PSKH2: variants seen among roughly 807,000 people sequenced by gnomAD.
PSKH2 encodes the protein protein serine kinase H2.
Under a neutral mutation model 22.5 loss-of-function variants are expected in PSKH2, and 16 were observed. That is an observed-to-expected ratio of 0.71 (90% CI 0.48 to 1.08). The LOEUF (loss-of-function observed/expected upper bound fraction) is 1.08, where lower values mean the gene tolerates loss of function less well. Among genes scored for constraint, PSKH2 ranks in the 50% least tolerant of loss-of-function variants. The pLI is 0.00. For missense variants in PSKH2, 516 were observed against 492.8 expected, an observed-to-expected ratio of 1.05 and a Z score of -0.44; for synonymous variants, 188 against 184.8, an observed-to-expected ratio of 1.02 and a Z score of -0.14.
intron 2 of PSKH2, among the ~76,000 whole-genome samples, chr8:86,058,446 T>A (rs1281274444): frequency 6.6e-6 from 1 of 152,230 alleles, no homozygotes; most frequent in Non-Finnish European, 1.5e-5. Context: ...AACAGTTATA[T>A]CTGAGATACA....
intron 1 of PSKH2, among the ~76,000 whole-genome samples, chr8:86,065,283 C>T (rs1817840630): frequency 6.6e-6 from 1 of 152,120 alleles, no homozygotes; most frequent in Non-Finnish European, 1.5e-5. Context: ...GTGAGCTCAG[C>T]CCCAGGCTCA....
rs2130168507 is a variant in PSKH2 at position 86,064,466 on chromosome 8, A to G, written c.351T>C (p.His117=). 6.2e-7 allele frequency: 1 copy of G among 1,613,970 alleles called. No homozygotes were observed. Among genetic ancestry groups the G allele is most frequent in the East Asian group, 2.2e-5 (1 of 44,852 alleles). The part of the protein sequence containing the change: ...SELSVLRRVS[H]RYIVQLMEIF... ...TCTCCATGAGCTGGACAATGTAACG[A>G]TGGCTAACCCGCCGCAGGACGCTCA... Residue 117 remains histidine (H), a synonymous_variant, in exon 2 of 3, where the codon CAT becomes CAC. Transcript: ENST00000276616.
rs146927882 is a variant in PSKH2, at chr8:86,068,991, T to C, written c.185+447A>G. 4.2e-4 allele frequency among the ~76,000 whole-genome samples: 64 copies of C among 152,254 alleles called. No individual in the cohort carries two copies. The East Asian group carries it at 0.012, about 29-fold the overall frequency. On this transcript the variant is annotated intron_variant, in intron 1 of 2. Transcript: ENST00000276616. Reference sequence around the variant, plus strand: ...AGCAAGGAAGGCTTATCCCAGACTATTGCAATAGGAGTCGAGGCTTCTGCA... The same window carrying C: ...AGCAAGGAAGGCTTATCCCAGACTACTGCAATAGGAGTCGAGGCTTCTGCA...
At chr8:86,067,289 G>A (rs923136801) in intron 1 of PSKH2, among the ~76,000 whole-genome samples, 1 of 151,800 alleles carries the variant, frequency 6.6e-6, no homozygotes, top group Non-Finnish European at 1.5e-5. Context: ...CTACAGCCTT[G>A]CTCGTGAGTC....
Position 86,069,527 on chromosome 8 carries a change from C to G in PSKH2, c.96G>C (p.Ala32=). ...GGGCCGCCGCCTCGGGCCCAGGCCCCGCGCCTCCGACGCCGGCTTGGTTTT... is the reference window on the plus strand; with the variant it reads ...GGGCCGCCGCCTCGGGCCCAGGCCCGGCGCCTCCGACGCCGGCTTGGTTTT... ...EGQNQAGVGG[A]GPGPEAAAQA... is the part of the protein sequence containing the mutation. The change falls in exon 1 of 3, where the codon GCG becomes GCC. Residue 32 remains alanine, a synonymous_variant. Transcript: ENST00000276616. 2 of 1,609,034 alleles carry G rather than the reference C, an allele frequency of 1.2e-6. No individual in the cohort carries two copies. The highest frequency in any genetic ancestry group is 1.7e-6 in the Non-Finnish European group (2 of 1,178,466).
In PSKH2 at chr8:86,048,785, T is replaced by C; in HGVS notation, c.853-18A>G. 6.5e-7 allele frequency: 1 copy of C among 1,541,380 alleles called. No individual in the cohort carries two copies. Among genetic ancestry groups the C allele is most frequent in the Non-Finnish European group, 8.8e-7 (1 of 1,138,042 alleles). On this transcript the variant is annotated intron_variant, in intron 2 of 2. Transcript: ENST00000276616. ...GGCCAAGGCTGAGAATAAAAATAAATAAGTTAGAATAAAATAAATAAAATG... is the reference window on the plus strand; with the variant it reads ...GGCCAAGGCTGAGAATAAAAATAAACAAGTTAGAATAAAATAAATAAAATG...
At chr8:86,049,658 A>T (rs1817583793) in intron 2 of PSKH2, among the ~76,000 whole-genome samples, 1 of 146,884 alleles carries the variant, frequency 6.8e-6, no homozygotes, top group Non-Finnish European at 1.5e-5. Context: ...AGAGAGAGAG[A>T]GAGAAAGAGT....
At chr8:86,063,725 CTCAG>C (rs915326510) in intron 2 of PSKH2, among the ~76,000 whole-genome samples, 34 of 152,316 alleles carry the variant, frequency 2.2e-4, no homozygotes, top group African/African-American at 7.9e-4. Flanking sequence ...TCAAATGGCT[CTCAG>C]TCAGGGGCGA....
intron 2 of PSKH2, among the ~76,000 whole-genome samples, chr8:86,058,671 T>C (rs2130157182): frequency 6.6e-6 from 1 of 152,266 alleles, no homozygotes; most frequent in South Asian, 2.1e-4. Flanking sequence ...TTAATCGTAA[T>C]TCTAAACAGT....
rs953308858 is a variant in PSKH2, at chr8:86,064,739, GATTT to G, written c.186-112_186-109del. ...TTCTATCCTTCTATTCCTCCCATCAGATTTATTTGTTTATTATTACTTGTGTTTA... is the reference window on the plus strand; with the variant it reads ...TTCTATCCTTCTATTCCTCCCATCAGATTTGTTTATTATTACTTGTGTTTA... On this transcript the variant is annotated intron_variant, in intron 1 of 2. Transcript: ENST00000276616. 11 of 888,264 alleles carry G rather than the reference GATTT, an allele frequency of 1.2e-5. No individual in the cohort carries two copies. In the African/African-American group the frequency reaches 1.5e-4, roughly 12 times the overall value. The allele number at this position is 888,264 out of a possible 1,614,324, so 55.0% of individuals were successfully genotyped here.
At chr8:86,060,482 G>A (rs1817761053) in intron 2 of PSKH2, among the ~76,000 whole-genome samples, 1 of 152,166 alleles carries the variant, frequency 6.6e-6, no homozygotes, top group African/African-American at 2.4e-5. Context: ...GATGACAAAT[G>A]AAAACATGAT....
rs776595645 is a variant in PSKH2 at position 86,064,346 on chromosome 8, C to T, written c.471G>A (p.Glu157=). Residue 157 remains glutamate, a synonymous_variant, in exon 2 of 3, where the codon GAG becomes GAA. Coordinates refer to ENST00000276616, the MANE Select transcript of PSKH2 (RefSeq NM_033126.3). Reference sequence around the variant, plus strand: ...TCTGGAGGATCCTGACGGCATCCCGCTCTGTAAAGGATCCCTGAGCAATGA... The same window carrying T: ...TCTGGAGGATCCTGACGGCATCCCGTTCTGTAAAGGATCCCTGAGCAATGA... ...DRLIAQGSFT[E]RDAVRILQMV... 9 of 1,614,156 alleles carry T rather than the reference C, an allele frequency of 5.6e-6. No individual in the cohort carries two copies. The South Asian group carries it at 8.8e-5, about 16-fold the overall frequency.
chr8:86,047,508 CTAAT>C lies in PSKH2; in HGVS notation c.*950_*953del, dbSNP rs1264041645. ...TTCTGAATAAAATAAGCAATATCAA[CTAAT>C]TAATCATTTATTTACTATGTTTACC... On this transcript the variant is annotated 3_prime_UTR_variant, in exon 3 of 3. Transcript: ENST00000276616. 1.3e-5 allele frequency among the ~76,000 whole-genome samples: 2 copies of C among 152,052 alleles called. No homozygotes were observed. The highest frequency in any genetic ancestry group is 2.4e-5 in the African/African-American group (1 of 41,424).
At chr8:86,060,997 C>T (rs1412425828) in intron 2 of PSKH2, among the ~76,000 whole-genome samples, 1 of 152,158 alleles carries the variant, frequency 6.6e-6, no homozygotes, top group South Asian at 2.1e-4. Flanking sequence ...CAGCAGACTG[C>T]CCTGGGGCTC....
intron 1 of PSKH2, among the ~76,000 whole-genome samples, chr8:86,068,326 C>A (rs918253289): frequency 7.9e-5 from 12 of 152,224 alleles, no homozygotes; most frequent in Middle Eastern, 3.4e-3. Context: ...TTGTGTCTCC[C>A]CAAACACACA....
At chr8:86,058,715 T>C (rs764374140) in intron 2 of PSKH2, among the ~76,000 whole-genome samples, 2 of 152,198 alleles carry the variant, frequency 1.3e-5, no homozygotes. Context: ...AGAAGTGGAA[T>C]GATCATTGAA....
chr8:86,062,105 T>C (rs944253412), intron 2 of PSKH2, among the ~76,000 whole-genome samples: 4 of 152,214 alleles, frequency 2.6e-5, no homozygotes, highest in African/African-American at 9.6e-5. Context: ...CATGCAAACG[T>C]TTTCCCACAC....
In PSKH2 at chr8:86,064,634, G is replaced by A. The variant is rs1433983768; in HGVS notation, c.186-3C>T. 1.2e-6 allele frequency: 2 copies of A among 1,602,056 alleles called. No homozygotes were observed. Among genetic ancestry groups the A allele is most frequent in the Non-Finnish European group, 1.7e-6 (2 of 1,175,546 alleles). On this transcript the variant is annotated splice_region_variant and splice_polypyrimidine_tract_variant and intron_variant, in intron 1 of 2. Transcript: ENST00000276616. ...CAATAAGAGCTTTGATGTCATATCT[G>A]TTGGGAAGAAAAACCAAACATGTTA...
At chr8:86,056,745 T>C (rs1240624236) in intron 2 of PSKH2, among the ~76,000 whole-genome samples, 1 of 152,204 alleles carries the variant, frequency 6.6e-6, no homozygotes, top group African/African-American at 2.4e-5. Context: ...GCTTATTTGA[T>C]CTTCACAACA....
Sources: gnomAD v4.1 joint callset for allele counts (sites outside exome capture counted in the v4.1 genomes callset) on GRCh38, gnomAD v4.1.1 for gene constraint, MANE v1.5 for transcripts, NCBI Gene and HGNC (gene_info 2026-07-23, HGNC 2026-07-21) for gene names.